CAMKK2: variants seen among roughly 807,000 people sequenced by gnomAD.
The protein encoded by CAMKK2 is calcium/calmodulin dependent protein kinase kinase 2.
Under a neutral mutation model 67.2 loss-of-function variants are expected in CAMKK2, and 30 were observed. That is an observed-to-expected ratio of 0.45 (90% CI 0.33 to 0.61). The LOEUF (loss-of-function observed/expected upper bound fraction) is 0.61. Among genes scored for constraint, CAMKK2 ranks in the 20% least tolerant of loss-of-function variants. The pLI is 0.02. For synonymous variants in CAMKK2, 322 were observed against 326.2 expected, an observed-to-expected ratio of 0.99 and a Z score of 0.14; for missense variants, 643 against 802.0, an observed-to-expected ratio of 0.80 and a Z score of 2.39.
intron 1 of CAMKK2, among the ~76,000 whole-genome samples, chr12:121,284,115 T>G (rs1252077270): frequency 6.6e-6 from 1 of 152,206 alleles, no homozygotes; most frequent in Non-Finnish European, 1.5e-5. Flanking sequence ...CCGCTACAGG[T>G]GTCTGAGTCT....
At chr12:121,294,666 C>A (rs1457248714) in intron 1 of CAMKK2, among the ~76,000 whole-genome samples, 1 of 152,224 alleles carries the variant, frequency 6.6e-6, no homozygotes, top group Non-Finnish European at 1.5e-5. Flanking sequence ...AGTTACTTAA[C>A]TTCTCTGAGC....
At chr12:121,244,654 G>A (rs199827333) in intron 15 of CAMKK2, 39 bp from the exon 16 acceptor site, 4 of 1,507,410 alleles carry the variant, frequency 2.7e-6, no homozygotes, top group Non-Finnish European at 3.6e-6. Context: ...AAGTGAGAAG[G>A]GACCCTTGGG....
At chr12:121,284,947 G>A (rs1356424762) in intron 1 of CAMKK2, among the ~76,000 whole-genome samples, 8 of 152,170 alleles carry the variant, frequency 5.3e-5, no homozygotes, top group Non-Finnish European at 7.4e-5. Flanking sequence ...GACACTGCTC[G>A]CACTCAGTAA....
At chr12:121,264,541 G>A (rs1279647205) in intron 5 of CAMKK2, among the ~76,000 whole-genome samples, 7 of 152,080 alleles carry the variant, frequency 4.6e-5, no homozygotes, top group Admixed American at 6.5e-5. Flanking sequence ...TTGGGAGGCC[G>A]AGACGGGTGG....
At chr12:121,289,353 C>T (rs183930411) in intron 1 of CAMKK2, among the ~76,000 whole-genome samples, 181 of 152,246 alleles carry the variant, frequency 1.2e-3, no homozygotes, top group Non-Finnish European at 2.1e-3. Flanking sequence ...ACGTCCCCAA[C>T]GGGGAAAGCA....
At chr12:121,291,128 G>A (rs1401608992) in intron 1 of CAMKK2, among the ~76,000 whole-genome samples, 1 of 152,176 alleles carries the variant, frequency 6.6e-6, no homozygotes, top group Non-Finnish European at 1.5e-5. Context: ...CCAGCAATGG[G>A]TTTAAATGGG....
chr12:121,249,535 T>C (rs942269757), intron 13 of CAMKK2, among the ~76,000 whole-genome samples: 7 of 152,076 alleles, frequency 4.6e-5, no homozygotes, highest in African/African-American at 1.4e-4. Context: ...GTGGATCCCA[T>C]CAGCCCACGC....
At chr12:121,288,685 A>C (rs1356964435) in intron 1 of CAMKK2, among the ~76,000 whole-genome samples, 1 of 152,050 alleles carries the variant, frequency 6.6e-6, no homozygotes, top group African/African-American at 2.4e-5. Flanking sequence ...CCTCATGCCT[A>C]AGCCACGTGG....
intron 10 of CAMKK2, 90 bp from the exon 11 acceptor site, chr12:121,252,804 T>G (rs1891039324): frequency 3.0e-6 from 4 of 1,335,176 alleles, no homozygotes; most frequent in Non-Finnish European, 1.1e-6. Context: ...CTCTTGACTT[T>G]CAGCCCTTGG....
chr12:121,296,428 G>C lies in CAMKK2; in HGVS notation c.-60+210C>G, dbSNP rs1422837422. 1.3e-5 allele frequency among the ~76,000 whole-genome samples: 2 copies of C among 152,178 alleles called. No homozygotes were observed. The highest frequency in any genetic ancestry group is 2.9e-5 in the Non-Finnish European group (2 of 68,012). On this transcript the variant is annotated intron_variant, in intron 1 of 16. Coordinates refer to ENST00000404169, the MANE Select transcript of CAMKK2 (RefSeq NM_001270485.2). The surrounding 1 kb of genome is among the most constrained non-coding windows in gnomAD (Gnocchi z 7.1). ...AGGCCCAGGGCGCCCAGAGGACGCG[G>C]GGGAAGGGCTGTCGGGGACCGTGTC...
At chr12:121,263,543 T>G (rs920787125) in intron 6 of CAMKK2, among the ~76,000 whole-genome samples, 12 of 152,230 alleles carry the variant, frequency 7.9e-5, no homozygotes, top group Admixed American at 5.9e-4. Context: ...CAGAAATGGG[T>G]GAAGGGATCC....
chr12:121,260,025 T>A (rs1257354600), intron 7 of CAMKK2, among the ~76,000 whole-genome samples: 2 of 152,178 alleles, frequency 1.3e-5, no homozygotes, highest in Non-Finnish European at 2.9e-5. Flanking sequence ...AAGGCTGCAG[T>A]GAGCTGTGGT....
chr12:121,255,877 C>T (rs1440208741), intron 7 of CAMKK2, 73 bp from the exon 8 acceptor site: 2 of 1,350,674 alleles, frequency 1.5e-6, no homozygotes, highest in African/African-American at 1.4e-5. Context: ...TCCCCACCTC[C>T]CAACCACCTC....
chr12:121,277,380 G>C (rs1223017852), intron 1 of CAMKK2, among the ~76,000 whole-genome samples: 2 of 152,178 alleles, frequency 1.3e-5, no homozygotes, highest in African/African-American at 4.8e-5. Context: ...TCCTCTCCTA[G>C]GTATAGACCC....
chr12:121,264,041 C>T, intron 5 of CAMKK2, 102 bp from the exon 6 acceptor site: 1 of 1,182,710 alleles, frequency 8.5e-7, no homozygotes, highest in East Asian at 2.7e-5. Context: ...CAAAAAGCCA[C>T]TCTGCAGGGC....
intron 6 of CAMKK2, chr12:121,260,617 C>G: frequency 1.8e-6 from 1 of 545,992 alleles, no homozygotes; most frequent in Non-Finnish European, 3.2e-6. Context: ...AGGGAGGGGC[C>G]AAAATACTCC....
chr12:121,244,963 G>C (rs373731212), intron 15 of CAMKK2, among the ~76,000 whole-genome samples, 177 bp downstream of exon 15: 43 of 152,242 alleles, frequency 2.8e-4, no homozygotes, highest in Non-Finnish European at 2.4e-4. Flanking sequence ...GCAAAAGGAG[G>C]TGGGCTGAGC....
At chr12:121,280,049 AG>A (rs929922770) in intron 1 of CAMKK2, among the ~76,000 whole-genome samples, 1 of 152,266 alleles carries the variant, frequency 6.6e-6, no homozygotes, top group African/African-American at 2.4e-5. Context: ...AACAGCTCCG[AG>A]GATCCTGCCA....
At chr12:121,294,753 G>A (rs1293590066) in intron 1 of CAMKK2, among the ~76,000 whole-genome samples, 5 of 152,250 alleles carry the variant, frequency 3.3e-5, no homozygotes, top group African/African-American at 9.6e-5. Context: ...CTCTACTATG[G>A]GGTTAAAATT....
Sources: gnomAD v4.1 joint callset for allele counts (sites outside exome capture counted in the v4.1 genomes callset) on GRCh38, gnomAD v4.1.1 for gene constraint, Gnocchi (gnomAD v3.1) non-coding constraint, MANE v1.5 for transcripts, NCBI Gene and HGNC (gene_info 2026-07-23, HGNC 2026-07-21) for gene names.